Variants in DNM3 observed in about 807,000 individuals in gnomAD.
DNM3 encodes the protein dynamin 3.
A neutral mutation model predicts 101.6 loss-of-function variants in DNM3; 47 were observed. The ratio of observed to expected loss-of-function variants is 0.46; its 90% confidence interval spans 0.37 to 0.59. The LOEUF is 0.59. Ranked by LOEUF, DNM3 falls within the 20% of genes least tolerant of loss-of-function variation. The pLI is 0.00. For synonymous variants in DNM3, 385 were observed against 387.9 expected (o/e 0.99, Z 0.09); for missense variants, 849 against 1,085.7 (o/e 0.78, Z 3.06).
intron 1 of DNM3, among the ~76,000 whole-genome samples, chr1:171,901,728 C>G (rs2038373821): frequency 1.3e-5 from 2 of 152,162 alleles, no homozygotes; most frequent in Non-Finnish European, 2.9e-5. Flanking sequence ...AATGCTCCAT[C>G]AAGAAATGTT....
At chr1:172,371,679 C>T (rs1241578733) in intron 17 of DNM3, among the ~76,000 whole-genome samples, 8 of 151,734 alleles carry the variant, frequency 5.3e-5, no homozygotes, top group African/African-American at 1.9e-4. Flanking sequence ...CTTAACTAAC[C>T]TCACTAAAGT....
At chr1:172,338,592 C>T (rs761567467) in intron 17 of DNM3, among the ~76,000 whole-genome samples, 7 of 152,056 alleles carry the variant, frequency 4.6e-5, no homozygotes, top group African/African-American at 4.8e-5. Flanking sequence ...TCATTGAAAA[C>T]GACTGTTGGC....
downstream of DNM3, chr1:172,412,826 CAAAGT>C (rs745925893): frequency 1.5e-3 from 1,242 of 832,792 alleles, 3 homozygotes; most frequent in Non-Finnish European, 1.7e-3. Flanking sequence ...CCAGAGTTAC[CAAAGT>C]AAAGAATGAT....
chr1:172,220,373 GAATA>G (rs2060862958), intron 14 of DNM3, among the ~76,000 whole-genome samples: 1 of 152,092 alleles, frequency 6.6e-6, no homozygotes, highest in Non-Finnish European at 1.5e-5. Context: ...GATACATTGT[GAATA>G]AATACAATAT....
At chr1:171,871,124 G>GGA (rs2035240461) in intron 1 of DNM3, among the ~76,000 whole-genome samples, 1 of 151,862 alleles carries the variant, frequency 6.6e-6, no homozygotes, top group African/African-American at 2.4e-5. Context: ...ATATTGGGCT[G>GGA]GAGAGGGAGA....
At position 171,841,598 on chromosome 1, in the gene DNM3, C is replaced by T. The variant is rs2031191892; in HGVS notation, c.-59C>T. 2 of 1,566,618 alleles carry T rather than the reference C, an allele frequency of 1.3e-6. No homozygotes were observed. The highest frequency in any genetic ancestry group is 2.4e-5 in the East Asian group (1 of 42,426). ...AGCAGCCAGGGCAGCGCGGCCCCTA[C>T]TCCCTGTCAGGTCGTAGAGGCGAGC... On this transcript the variant is annotated 5_prime_UTR_variant, in exon 1 of 21. Coordinates refer to ENST00000627582, the MANE Select transcript of DNM3 (RefSeq NM_015569.5).
chr1:172,270,510 A>G (rs1196971151), intron 15 of DNM3, among the ~76,000 whole-genome samples: 6 of 152,204 alleles, frequency 3.9e-5, no homozygotes, highest in African/African-American at 1.4e-4. Context: ...ACCTGCTGAA[A>G]AAAAATACTG....
At position 172,152,091 on chromosome 1, in the gene DNM3, C is replaced by T. The variant is rs79488627; in HGVS notation, c.1659+20803C>T. ...GTAGAGAAGAGACTCCCTGTGTTAC[C>T]CAGGCTGGTCTCAAACTCCTGGACT... On this transcript the variant is annotated intron_variant, in intron 14 of 20. Transcript: ENST00000627582. Among the ~76,000 whole-genome samples, 1,494 of 151,990 alleles carry T rather than the reference C, an allele frequency of 9.8e-3. 21 individuals carry two copies. Among genetic ancestry groups the T allele is most frequent in the South Asian group, 0.053 (254 of 4,798 alleles).
chr1:172,270,235 C>T (rs1362233069), intron 15 of DNM3, among the ~76,000 whole-genome samples: 1 of 150,718 alleles, frequency 6.6e-6, no homozygotes, highest in East Asian at 1.9e-4. Flanking sequence ...AGTAATAACA[C>T]CTTGCCTAGG....
chr1:172,056,770 C>T (rs1307711210), intron 10 of DNM3, among the ~76,000 whole-genome samples: 1 of 152,192 alleles, frequency 6.6e-6, no homozygotes, highest in Non-Finnish European at 1.5e-5. Flanking sequence ...ACTGGAAACT[C>T]TAAAAAAGCA....
At chr1:172,100,683 G>A (rs1205508703) in intron 13 of DNM3, among the ~76,000 whole-genome samples, 1 of 151,952 alleles carries the variant, frequency 6.6e-6, no homozygotes, top group Non-Finnish European at 1.5e-5. Flanking sequence ...AAATGACCCT[G>A]GAAAAAAGGG....
At chr1:172,196,176 A>T (rs950003384) in intron 14 of DNM3, among the ~76,000 whole-genome samples, 59 of 151,392 alleles carry the variant, frequency 3.9e-4, no homozygotes, top group African/African-American at 1.4e-3. Context: ...CTGTTCTTGC[A>T]TTAGTTTGCT....
At chr1:171,856,125 TC>T (rs1288072421) in intron 1 of DNM3, among the ~76,000 whole-genome samples, 1 of 152,226 alleles carries the variant, frequency 6.6e-6, no homozygotes, top group Non-Finnish European at 1.5e-5. Context: ...GAATAGGTAG[TC>T]CTTTCCCCAT....
At chr1:172,359,814 T>C (rs2067651191) in intron 17 of DNM3, among the ~76,000 whole-genome samples, 1 of 152,046 alleles carries the variant, frequency 6.6e-6, no homozygotes, top group Non-Finnish European at 1.5e-5. Flanking sequence ...GCGGCTCTTT[T>C]CCCTGAGCTC....
intron 2 of DNM3, among the ~76,000 whole-genome samples, chr1:171,938,590 AC>A (rs2041606865): frequency 1.3e-5 from 2 of 152,200 alleles, no homozygotes; most frequent in Admixed American, 6.5e-5. Context: ...AAAGGCATTT[AC>A]CTTTTGGGCA....
chr1:172,103,091 A>G (rs2054767719), intron 13 of DNM3, among the ~76,000 whole-genome samples: 1 of 152,166 alleles, frequency 6.6e-6, no homozygotes, highest in African/African-American at 2.4e-5. Context: ...TAATGCAGAT[A>G]AAATAAATAC....
intron 14 of DNM3, among the ~76,000 whole-genome samples, chr1:172,174,499 G>A (rs1270189508): frequency 1.3e-5 from 2 of 151,656 alleles, no homozygotes; most frequent in Non-Finnish European, 3.0e-5. Flanking sequence ...GATTTTTGCT[G>A]TTTGGTTTAG....
intron 14 of DNM3, among the ~76,000 whole-genome samples, chr1:172,192,058 T>A (rs970017680): frequency 6.6e-6 from 1 of 152,206 alleles, no homozygotes; most frequent in Non-Finnish European, 1.5e-5. Context: ...AGAGAGGGCA[T>A]CCCTGTCTTG....
rs945305646 is a variant in DNM3, at chr1:172,360,446, T to C, written c.1894-18572T>C. 3.3e-5 allele frequency among the ~76,000 whole-genome samples: 5 copies of C among 152,190 alleles called. 1 individual carries two copies. Among genetic ancestry groups the C allele is most frequent in the Non-Finnish European group, 4.4e-5 (3 of 67,952 alleles). On this transcript the variant is annotated intron_variant, in intron 17 of 20. Transcript: ENST00000627582. Reference sequence around the variant, plus strand: ...TAGATAGTATCCTACTATTTTTATATAGAATAACTTTCTCTTGTATACCCT... The same window carrying C: ...TAGATAGTATCCTACTATTTTTATACAGAATAACTTTCTCTTGTATACCCT...
Sources: allele counts gnomAD v4.1 joint callset (sites outside exome capture counted in the v4.1 genomes callset), GRCh38; gene constraint gnomAD v4.1.1; transcripts MANE v1.5; gene names NCBI Gene and HGNC (gene_info 2026-07-23, HGNC 2026-07-21).